Variants in FAM149A observed in about 807,000 individuals in gnomAD.
FAM149A encodes the protein protein FAM149A.
In FAM149A, 71 loss-of-function variants were observed where a neutral mutation model predicts 78.2. That is an observed-to-expected ratio of 0.91 (90% CI 0.75 to 1.11). FAM149A has a LOEUF of 1.11. Ranked by LOEUF, FAM149A falls within the 50% of genes least tolerant of loss-of-function variation. The probability of loss-of-function intolerance (pLI) is 0.00; values close to 1 mark genes in which losing one functional copy is unlikely to be tolerated. For missense variants in FAM149A, 1,036 were observed against 971.0 expected (o/e 1.07, Z -0.89); for synonymous variants, 446 against 410.5 (o/e 1.09, Z -1.04).
At chr4:186,125,462 C>A in intron 1 of FAM149A, 1 of 508,224 alleles carries the variant, frequency 2.0e-6, no homozygotes, top group Non-Finnish European at 2.5e-6. Flanking sequence ...TCAGAGCACG[C>A]TGGGAAGCCT....
At chr4:186,143,019 A>G (rs531591507) in intron 1 of FAM149A, among the ~76,000 whole-genome samples, 58 of 152,274 alleles carry the variant, frequency 3.8e-4, no homozygotes, top group African/African-American at 1.3e-3. Flanking sequence ...TTTATCAACA[A>G]AATTGTAATA....
At position 186,166,999 on chromosome 4, in the gene FAM149A, T is replaced by G; in HGVS notation, c.2042T>G (p.Leu681Trp). ...GGAAGGCATCTACAAAACCGTGTGTTGAGTGCCATGCCTGACGGTACAGAA... is the reference window on the plus strand; with the variant it reads ...GGAAGGCATCTACAAAACCGTGTGTGGAGTGCCATGCCTGACGGTACAGAA... The change falls in exon 12 of 14, where the codon TTG becomes TGG. Residue 681 changes from leucine (L) to tryptophan (W), a missense_variant. Physicochemically the swap from Leu to Trp is moderately conservative, Grantham distance 61 (BLOSUM62 -2). Coordinates refer to ENST00000389354, the MANE Select transcript of FAM149A (RefSeq NM_001367768.3). 1 of 1,614,136 alleles carries G rather than the reference T, an allele frequency of 6.2e-7. No homozygotes were observed. The highest frequency in any genetic ancestry group is 8.5e-7 in the Non-Finnish European group (1 of 1,179,988).
At chr4:186,159,788 T>C (rs1579913202) in intron 8 of FAM149A, among the ~76,000 whole-genome samples, 1 of 151,996 alleles carries the variant, frequency 6.6e-6, no homozygotes, top group African/African-American at 2.4e-5. Context: ...CCTGTAGTGG[T>C]GCCAAGGAGG....
intron 1 of FAM149A, among the ~76,000 whole-genome samples, chr4:186,111,971 G>A (rs1487300118): frequency 6.6e-5 from 10 of 151,242 alleles, no homozygotes; most frequent in Non-Finnish European, 1.0e-4. Flanking sequence ...CATTGAATCT[G>A]TAAATTACCT....
At chr4:186,155,901 A>G in intron 6 of FAM149A, 99 bp from the exon 7 acceptor site, 5 of 799,994 alleles carry the variant, frequency 6.3e-6, no homozygotes, top group Non-Finnish European at 9.1e-6. Context: ...AATGTTTATT[A>G]ATATATGTAT....
chr4:186,126,959 C>T (rs1407338757), intron 1 of FAM149A: 8 of 985,250 alleles, frequency 8.1e-6, no homozygotes, highest in African/African-American at 1.7e-5. Flanking sequence ...GCTTTGGAAC[C>T]ACTGAAGAGG....
Position 186,172,157 on chromosome 4 carries a change from A to G in FAM149A, c.*170A>G, listed in dbSNP as rs1735589809. The G allele has an allele frequency of 4.8e-6, 5 of 1,041,686 alleles. No homozygotes were observed. The highest frequency in any genetic ancestry group is 5.2e-6 in the Non-Finnish European group (4 of 775,454). 64.5% of individuals were successfully genotyped at this position (1,041,686 alleles called of 1,614,324 possible). A position where few individuals can be genotyped will look rare whatever the true frequency, so the allele number is the denominator to read the frequency against. ...TTAATCTTGAACACTTTGCACTGTA[A>G]AGAGAGTGAAAGTCAAACCCACCAA... is the stretch of plus-strand genomic sequence containing the variant. On this transcript the variant is annotated 3_prime_UTR_variant, in exon 14 of 14. Coordinates refer to ENST00000389354, the MANE Select transcript of FAM149A (RefSeq NM_001367768.3).
intron 13 of FAM149A, chr4:186,169,611 A>G (rs1735363229): frequency 4.1e-6 from 4 of 985,424 alleles, no homozygotes; most frequent in Non-Finnish European, 3.6e-6. Flanking sequence ...ACCACGATCT[A>G]ATAGGACATT....
intron 13 of FAM149A, chr4:186,167,695 G>A: frequency 3.6e-6 from 1 of 279,640 alleles, no homozygotes; most frequent in South Asian, 3.7e-5. Context: ...AGGTTTTACA[G>A]ATAAATAGGT....
At chr4:186,139,899 A>G (rs1324910304) in intron 1 of FAM149A, among the ~76,000 whole-genome samples, 1 of 152,262 alleles carries the variant, frequency 6.6e-6, no homozygotes, top group East Asian at 1.9e-4. Flanking sequence ...CTCGTACTGG[A>G]TAAATGTAAA....
In FAM149A at chr4:186,156,077, C is replaced by A; in HGVS notation, c.1307C>A (p.Pro436Gln). Residue 436 changes from proline to glutamine, a missense_variant, in exon 7 of 14, where the codon CCG becomes CAG. Physicochemically the swap from Pro to Gln is moderately conservative, Grantham distance 76 (BLOSUM62 -1). Around this residue, in one of 3 missense-constraint regions of FAM149A, gnomAD observed 716 missense variants for 711.8 expected, o/e 1.01. Transcript: ENST00000389354. ...AAACTCGGACTTCCTCCTGTTTCCC[C>A]GCGTGACTGTGTCAAAGATGCCGTG... 1 of 1,613,884 alleles carries A rather than the reference C, an allele frequency of 6.2e-7. No homozygotes were observed. The highest frequency in any genetic ancestry group is 8.5e-7 in the Non-Finnish European group (1 of 1,179,842).
At chr4:186,160,467 A>T (rs1734490592) in intron 8 of FAM149A, among the ~76,000 whole-genome samples, 1 of 148,196 alleles carries the variant, frequency 6.7e-6, no homozygotes, top group South Asian at 2.2e-4. Flanking sequence ...ACCACACACC[A>T]TACACCACAC....
In FAM149A at chr4:186,173,557, A is replaced by G. The variant is rs1421497047; in HGVS notation, c.*1570A>G. ...TTTTTAGTAGAGGCAGGGTTTCACC[A>G]TGTTAGCCAGGCCGGTGTTGAACTC... is the stretch of plus-strand genomic sequence containing the variant. On this transcript the variant is annotated 3_prime_UTR_variant, in exon 14 of 14. Coordinates refer to ENST00000389354, the MANE Select transcript of FAM149A (RefSeq NM_001367768.3). Among the ~76,000 whole-genome samples the G allele has an allele frequency of 1.8e-5, 2 of 110,880 alleles. 1 individual carries two copies. The highest frequency in any genetic ancestry group is 4.5e-4 in the East Asian group (2 of 4,474). The allele number at this position is 110,880 out of a possible 152,430, so 72.7% of individuals were successfully genotyped here. A position where few individuals can be genotyped will look rare whatever the true frequency, so the allele number is the denominator to read the frequency against.
chr4:186,150,586 AT>A (rs530067117), intron 3 of FAM149A, among the ~76,000 whole-genome samples: 50,277 of 118,202 alleles, frequency 0.43, 11,510 homozygotes, highest in Middle Eastern at 0.54. Context: ...CGCCCGGCTA[AT>A]TTTTTGTATT....
chr4:186,158,650 G>A (rs1424844360), intron 8 of FAM149A: 2 of 369,264 alleles, frequency 5.4e-6, no homozygotes, highest in Non-Finnish European at 6.9e-6. Context: ...CGCCCAGGTT[G>A]AGGGTGGAGA....
At chr4:186,116,298 C>A in intron 1 of FAM149A, 1 of 212,816 alleles carries the variant, frequency 4.7e-6, no homozygotes. Context: ...CTGTCTGGCA[C>A]TCCCTAGTGA....
intron 1 of FAM149A, chr4:186,123,643 G>T (rs992340835): frequency 9.1e-6 from 2 of 219,768 alleles, no homozygotes; most frequent in African/African-American, 4.7e-5. Flanking sequence ...CCTCTGGGAA[G>T]TGGGGTCCAG....
intron 1 of FAM149A, among the ~76,000 whole-genome samples, chr4:186,113,758 A>G (rs921617039): frequency 6.6e-6 from 1 of 150,964 alleles, no homozygotes; most frequent in African/African-American, 2.4e-5. Context: ...GATCTGAGAG[A>G]TAGTTTGTTA....
intron 1 of FAM149A, among the ~76,000 whole-genome samples, chr4:186,136,980 C>CTCTCTCTCTCTCTCTCTCTCTTTCTT (rs2099323369): frequency 8.6e-6 from 1 of 116,008 alleles, no homozygotes; most frequent in Non-Finnish European, 1.8e-5. Flanking sequence ...CTCTCTTTCT[C>CTCTCTCTCTCTCTCTCTCTCTTTCTT]TCTCTCTCTC....
Sources: gnomAD v4.1 joint callset for allele counts (sites outside exome capture counted in the v4.1 genomes callset) on GRCh38, gnomAD v4.1.1 for gene constraint, gnomAD v4.1.1 regional missense constraint, MANE v1.5 for transcripts, NCBI Gene and HGNC (gene_info 2026-07-23, HGNC 2026-07-21) for gene names.